Variants in ATRNL1 observed in about 807,000 individuals in gnomAD.
ATRNL1 encodes attractin-like protein 1.
In ATRNL1, 95 loss-of-function variants were observed where a neutral mutation model predicts 182.7. The observed-to-expected ratio is 0.52, with a 90% CI of 0.44 to 0.62. The LOEUF is 0.62. Ranked by LOEUF, ATRNL1 falls within the 20% of genes least tolerant of loss-of-function variation. ATRNL1 has a pLI of 0.00. For missense variants in ATRNL1, 1,471 were observed against 1,679.5 expected (o/e 0.88, Z 2.17); for synonymous variants, 576 against 568.3 (o/e 1.01, Z -0.19).
intron 20 of ATRNL1, among the ~76,000 whole-genome samples, chr10:115,424,422 C>T (rs1554962527): frequency 6.6e-6 from 1 of 152,170 alleles, no homozygotes; most frequent in Non-Finnish European, 1.5e-5. Context: ...TCAGTAATCT[C>T]ACTACTGGAT....
At chr10:115,724,708 T>G (rs1459086477) in intron 26 of ATRNL1, among the ~76,000 whole-genome samples, 2 of 152,040 alleles carry the variant, frequency 1.3e-5, no homozygotes, top group African/African-American at 4.8e-5. Flanking sequence ...TGAAAAAAAT[T>G]GAGGCTTAGA....
At chr10:115,416,969 T>G (rs2134360029) in intron 20 of ATRNL1, among the ~76,000 whole-genome samples, 1 of 152,236 alleles carries the variant, frequency 6.6e-6, no homozygotes, top group East Asian at 1.9e-4. Context: ...CAACAAGAAC[T>G]CTGCACTTAT....
rs953720329 is a variant in ATRNL1 at position 115,137,186 on chromosome 10, C to T, written c.829+7651C>T. On this transcript the variant is annotated intron_variant, in intron 5 of 28. Coordinates refer to ENST00000355044, the MANE Select transcript of ATRNL1 (RefSeq NM_207303.4). ...CAGCCTGGGCAACAAGAATGAAAAT[C>T]CATCTCAAAAAAAAATCTGAATGAT... 2.0e-5 allele frequency among the ~76,000 whole-genome samples: 3 copies of T among 152,144 alleles called. No homozygotes were observed. In the East Asian group the frequency reaches 5.8e-4, roughly 29 times the overall value.
In ATRNL1 at chr10:115,361,312, T is replaced by A. The variant is rs566486719; in HGVS notation, c.3175+26893T>A. 7.0e-4 allele frequency among the ~76,000 whole-genome samples: 106 copies of A among 152,160 alleles called. 2 individuals carry two copies. In the South Asian group the frequency reaches 0.021, roughly 31 times the overall value. ...TCTCTTTTGTCTACCTGTCTATGTA[T>A]GTATGTATGTATGTGTGTAATCCTT... On this transcript the variant is annotated intron_variant, in intron 19 of 28. Coordinates refer to ENST00000355044, the MANE Select transcript of ATRNL1 (RefSeq NM_207303.4).
intron 21 of ATRNL1, among the ~76,000 whole-genome samples, chr10:115,449,695 A>G (rs1320101530): frequency 1.3e-5 from 2 of 152,074 alleles, no homozygotes. Flanking sequence ...GCTCACTTGC[A>G]TGCTCCTCCT....
At chr10:115,855,267 C>T (rs1951153080) in intron 28 of ATRNL1, among the ~76,000 whole-genome samples, 1 of 152,060 alleles carries the variant, frequency 6.6e-6, no homozygotes, top group African/African-American at 2.4e-5. Flanking sequence ...GTTTCTTGTA[C>T]CCGAAATCCC....
At chr10:115,615,410 T>C (rs1207421260) in intron 26 of ATRNL1, among the ~76,000 whole-genome samples, 1 of 152,122 alleles carries the variant, frequency 6.6e-6, no homozygotes, top group African/African-American at 2.4e-5. Flanking sequence ...ACTTTTTTTT[T>C]CTTTTCTTCT....
chr10:115,154,281 C>T (rs1444381830), intron 5 of ATRNL1, among the ~76,000 whole-genome samples: 2 of 96,808 alleles, frequency 2.1e-5, no homozygotes, highest in Admixed American at 1.9e-4. Flanking sequence ...CCTTCTGTCT[C>T]ATTGATCTGT....
chr10:115,435,047 T>G (rs565162650), intron 21 of ATRNL1, among the ~76,000 whole-genome samples: 2,405 of 151,016 alleles, frequency 0.016, 12 homozygotes, highest in South Asian at 0.033. Context: ...TTTTTTTTTT[T>G]TGTGACGGAG....
intron 27 of ATRNL1, among the ~76,000 whole-genome samples, chr10:115,802,021 A>AACACAC (rs60513803): frequency 0.043 from 5,453 of 125,954 alleles, 388 homozygotes; most frequent in African/African-American, 0.14. Flanking sequence ...AAAAAAAAGA[A>AACACAC]ACACACACAC....
intron 8 of ATRNL1, among the ~76,000 whole-genome samples, chr10:115,186,540 C>T (rs1223666855): frequency 6.6e-6 from 1 of 151,980 alleles, no homozygotes; most frequent in Non-Finnish European, 1.5e-5. Context: ...AAAAAGAATG[C>T]AACCCTGTCA....
At chr10:115,328,981 C>A (rs1015478409) in intron 18 of ATRNL1, among the ~76,000 whole-genome samples, 2 of 152,022 alleles carry the variant, frequency 1.3e-5, no homozygotes, top group Non-Finnish European at 2.9e-5. Flanking sequence ...TGGATATACA[C>A]CCAGTAGTGA....
At chr10:115,362,827 A>G (rs1277585964) in intron 19 of ATRNL1, among the ~76,000 whole-genome samples, 1 of 151,278 alleles carries the variant, frequency 6.6e-6, no homozygotes, top group Non-Finnish European at 1.5e-5. Flanking sequence ...AATTTCATCC[A>G]TGTCCCTACA....
chr10:115,868,705 A>G (rs1032620535), intron 28 of ATRNL1, among the ~76,000 whole-genome samples: 4 of 152,056 alleles, frequency 2.6e-5, no homozygotes, highest in Admixed American at 1.3e-4. Context: ...TCCCAGGCCA[A>G]TGCCAATGGG....
intron 17 of ATRNL1, 26 bp from the exon 18 acceptor site, chr10:115,315,492 T>C (rs1208087744): frequency 4.6e-6 from 7 of 1,511,246 alleles, no homozygotes; most frequent in Middle Eastern, 3.5e-4. Context: ...CATGTTAACA[T>C]ATTTGTCAAT....
At chr10:115,102,557 C>T (rs1554864852) in intron 1 of ATRNL1, among the ~76,000 whole-genome samples, 1 of 152,088 alleles carries the variant, frequency 6.6e-6, no homozygotes, top group Non-Finnish European at 1.5e-5. Context: ...GGTTCTCCTG[C>T]CTCAGCCTCT....
At chr10:115,727,482 A>G (rs1261729455) in intron 27 of ATRNL1, 127 bp downstream of exon 27, 2 of 705,734 alleles carry the variant, frequency 2.8e-6, no homozygotes, top group Admixed American at 2.6e-5. Flanking sequence ...ATTCAGCTAC[A>G]TATGTTATGC....
intron 5 of ATRNL1, among the ~76,000 whole-genome samples, chr10:115,131,711 C>T (rs1358583146): frequency 6.6e-6 from 1 of 152,160 alleles, no homozygotes; most frequent in African/African-American, 2.4e-5. Flanking sequence ...TAGTTTTATA[C>T]AAGGTGTTAT....
rs12259760 is a variant in ATRNL1, at chr10:115,734,268, G to T, written c.3903+6913G>T. On this transcript the variant is annotated intron_variant, in intron 27 of 28. Transcript: ENST00000355044. ...TGCTTATTTACTTTCTAGAAATGTCGCTGTTCACACTATCTTTAGCAAAGT... is the reference window on the plus strand; with the variant it reads ...TGCTTATTTACTTTCTAGAAATGTCTCTGTTCACACTATCTTTAGCAAAGT... Among the ~76,000 whole-genome samples, 942 of 152,016 alleles carry T rather than the reference G, an allele frequency of 6.2e-3. 7 individuals carry two copies. The highest frequency in any genetic ancestry group is 0.011 in the South Asian group (53 of 4,812).
Sources: gnomAD v4.1 joint callset for allele counts (sites outside exome capture counted in the v4.1 genomes callset) on GRCh38, gnomAD v4.1.1 for gene constraint, MANE v1.5 for transcripts, NCBI Gene and HGNC (gene_info 2026-07-23, HGNC 2026-07-21) for gene names.